The following NRXN3 variants were observed in gnomAD, a reference collection of about 807,000 sequenced individuals.
The protein encoded by NRXN3 is neurexin 3.
In NRXN3, 32 loss-of-function variants were observed where a neutral mutation model predicts 137.6. That is an observed-to-expected ratio of 0.23 (90% CI 0.18 to 0.31). The LOEUF (loss-of-function observed/expected upper bound fraction) is 0.31, where lower values mean the gene tolerates loss of function less well. Ranked by LOEUF, NRXN3 falls within the 10% of genes least tolerant of loss-of-function variation. The probability of loss-of-function intolerance (pLI) is 1.00; values close to 1 mark genes in which losing one functional copy is unlikely to be tolerated. For synonymous variants in NRXN3, 798 were observed against 784.5 expected (o/e 1.02, Z -0.29); for missense variants, 1,574 against 2,062.5 (o/e 0.76, Z 4.59).
chr14:78,728,891 T>A (rs549133244), intron 8 of NRXN3, among the ~76,000 whole-genome samples: 1 of 152,188 alleles, frequency 6.6e-6, no homozygotes, highest in African/African-American at 2.4e-5. Flanking sequence ...AGAGGGAGAC[T>A]CCATCTCAAA....
intron 15 of NRXN3, among the ~76,000 whole-genome samples, chr14:79,439,818 T>A (rs1338919254): frequency 1.3e-5 from 2 of 152,196 alleles, no homozygotes; most frequent in Non-Finnish European, 2.9e-5. Flanking sequence ...ACAATGGATG[T>A]GAAAATAGAT....
intron 1 of NRXN3, among the ~76,000 whole-genome samples, chr14:78,219,125 A>T (rs1470445539): frequency 2.7e-5 from 4 of 149,362 alleles, no homozygotes; most frequent in Non-Finnish European, 5.9e-5. Flanking sequence ...AAATACAGTC[A>T]CATTAGGTAC....
chr14:79,563,075 T>TCAG (rs2097515365), intron 16 of NRXN3, among the ~76,000 whole-genome samples: 1 of 152,188 alleles, frequency 6.6e-6, no homozygotes, highest in African/African-American at 2.4e-5. Context: ...ATTAGGGACT[T>TCAG]CAGCAGTCTC....
chr14:78,330,502 A>C (rs1350736251), intron 4 of NRXN3, among the ~76,000 whole-genome samples: 2 of 152,166 alleles, frequency 1.3e-5, no homozygotes, highest in Admixed American at 1.3e-4. Flanking sequence ...TCTTTCTCAG[A>C]CAATTAGTAG....
At chr14:79,047,818 A>C (rs1471519729) in intron 15 of NRXN3, among the ~76,000 whole-genome samples, 1 of 152,216 alleles carries the variant, frequency 6.6e-6, no homozygotes, top group East Asian at 1.9e-4. Flanking sequence ...TGAAATTGTC[A>C]TACTTTGCAC....
At chr14:79,563,627 C>T (rs533417799) in intron 16 of NRXN3, among the ~76,000 whole-genome samples, 12 of 150,584 alleles carry the variant, frequency 8.0e-5, no homozygotes, top group South Asian at 2.1e-4. Flanking sequence ...AAATAAATTC[C>T]TATTCTATCA....
chr14:78,434,862 C>T (rs1427935595), intron 4 of NRXN3, among the ~76,000 whole-genome samples: 3 of 152,072 alleles, frequency 2.0e-5, no homozygotes, highest in African/African-American at 7.2e-5. Context: ...CAAGAGGAGG[C>T]CAGGTGGTGA....
chr14:78,827,561 A>G (rs1352596894), intron 10 of NRXN3, among the ~76,000 whole-genome samples: 1 of 152,250 alleles, frequency 6.6e-6, no homozygotes, highest in Non-Finnish European at 1.5e-5. Flanking sequence ...AATCAGTGAA[A>G]GTGAAACACT....
At chr14:78,770,382 C>G (rs772713638) in intron 8 of NRXN3, among the ~76,000 whole-genome samples, 5 of 152,136 alleles carry the variant, frequency 3.3e-5, no homozygotes, top group Non-Finnish European at 5.9e-5. Context: ...AGAGTGAGTT[C>G]TCCATGTCTT....
chr14:78,538,856 C>T (rs963018449), intron 4 of NRXN3, among the ~76,000 whole-genome samples: 1 of 152,162 alleles, frequency 6.6e-6, no homozygotes, highest in African/African-American at 2.4e-5. Context: ...GCCTTTTCTG[C>T]ATCTATTGAG....
At chr14:78,830,828 A>G (rs576862506) in intron 10 of NRXN3, among the ~76,000 whole-genome samples, 1 of 152,270 alleles carries the variant, frequency 6.6e-6, no homozygotes, top group South Asian at 2.1e-4. Context: ...CCATATCCAC[A>G]AGAGTTTCCA....
At chr14:78,238,071 G>A (rs953519279) in intron 1 of NRXN3, among the ~76,000 whole-genome samples, 1 of 152,042 alleles carries the variant, frequency 6.6e-6, no homozygotes, top group African/African-American at 2.4e-5. Context: ...GGGTGGGGAG[G>A]GCAAATGGCA....
chr14:79,848,522 C>T lies in NRXN3; in HGVS notation c.4094-12820C>T, dbSNP rs544060766. Among the ~76,000 whole-genome samples the T allele has an allele frequency of 1.7e-4, 26 of 152,172 alleles. 1 individual carries two copies. The Middle Eastern group carries it at 0.01, about 60-fold the overall frequency. On this transcript the variant is annotated intron_variant, in intron 20 of 20. Coordinates refer to ENST00000335750, the MANE Select transcript of NRXN3 (RefSeq NM_001330195.2). ...GTGTGGCCCAAGACAATTCTTCTTC[C>T]ACTGTGGCCCAGGGAAGCCAAAAGA...
chr14:78,326,424 G>A (rs1159210350), intron 4 of NRXN3, among the ~76,000 whole-genome samples: 1 of 152,188 alleles, frequency 6.6e-6, no homozygotes, highest in Non-Finnish European at 1.5e-5. Flanking sequence ...CAAGGAGTTG[G>A]TTATGTTTTC....
At chr14:79,356,027 G>A (rs1356909713) in intron 15 of NRXN3, among the ~76,000 whole-genome samples, 7 of 152,118 alleles carry the variant, frequency 4.6e-5, no homozygotes, top group Non-Finnish European at 7.4e-5. Context: ...TATTATTTGC[G>A]AAGTGTTCTG....
At chr14:79,249,884 T>C (rs1597811759) in intron 15 of NRXN3, among the ~76,000 whole-genome samples, 1 of 152,224 alleles carries the variant, frequency 6.6e-6, no homozygotes, top group African/African-American at 2.4e-5. Flanking sequence ...AAATGTTTCG[T>C]TGTTAAATTT....
intron 16 of NRXN3, among the ~76,000 whole-genome samples, chr14:79,508,389 G>GCTTTTTTTTTTTTTTTTTTT (rs1567328889): frequency 8.0e-5 from 1 of 12,560 alleles, no homozygotes; most frequent in Non-Finnish European, 1.5e-4. Context: ...AACAATAACT[G>GCTTTTTTTTTTTTTTTTTTT]ATTTTTTTTT....
At chr14:78,891,197 T>C (rs1396405601) in intron 10 of NRXN3, among the ~76,000 whole-genome samples, 3 of 151,910 alleles carry the variant, frequency 2.0e-5, no homozygotes, top group Non-Finnish European at 4.4e-5. Context: ...CAGTGGCAGC[T>C]TCTTGGTTGG....
At chr14:78,994,766 A>C (rs1449362191) in intron 15 of NRXN3, among the ~76,000 whole-genome samples, 1 of 152,158 alleles carries the variant, frequency 6.6e-6, no homozygotes, top group Non-Finnish European at 1.5e-5. Flanking sequence ...TAAGGAGTGT[A>C]ATAGGTACTT....
Sources: gnomAD v4.1 joint callset for allele counts (sites outside exome capture counted in the v4.1 genomes callset) on GRCh38, gnomAD v4.1.1 for gene constraint, MANE v1.5 for transcripts, NCBI Gene and HGNC (gene_info 2026-07-23, HGNC 2026-07-21) for gene names.